Variants in GALNT17 observed in about 807,000 individuals in gnomAD.
GALNT17 encodes polypeptide N-acetylgalactosaminyltransferase 17, also known as UDP-GalNAc:polypeptide N-acetylgalactosaminyltransferase-like 3.
In GALNT17, 29 loss-of-function variants were observed where a neutral mutation model predicts 63.7. The observed-to-expected ratio is 0.46, with a 90% CI of 0.34 to 0.62. GALNT17 has a LOEUF of 0.62. Ranked by LOEUF, GALNT17 falls within the 20% of genes least tolerant of loss-of-function variation. GALNT17 has a pLI of 0.01. For missense variants in GALNT17, 603 were observed against 799.6 expected (o/e 0.75, Z 2.97); for synonymous variants, 305 against 318.3 (o/e 0.96, Z 0.45).
At chr7:71,184,228 A>G (rs1388770505) in intron 1 of GALNT17, among the ~76,000 whole-genome samples, 1 of 152,162 alleles carries the variant, frequency 6.6e-6, no homozygotes, top group African/African-American at 2.4e-5. Context: ...TCCAGTTTCC[A>G]GGACTGTGAG....
At chr7:71,509,360 C>T (rs188443994) in intron 5 of GALNT17, among the ~76,000 whole-genome samples, 25 of 152,294 alleles carry the variant, frequency 1.6e-4, no homozygotes, top group Admixed American at 1.5e-3. Context: ...CACCCTTCAG[C>T]TTAGGATGGG....
In GALNT17 at chr7:71,184,149, G is replaced by A. The variant is rs372179047; in HGVS notation, c.238+51109G>A. Among the ~76,000 whole-genome samples the A allele has an allele frequency of 9.9e-5, 15 of 152,246 alleles. No individual in the cohort carries two copies. In the East Asian group the frequency reaches 1.4e-3, roughly 14 times the overall value. ...ATTATGAAAGGCAATGGAAGAAGGCGGCCATCTACAAACCAAGAGAGACTG... is the reference window on the plus strand; with the variant it reads ...ATTATGAAAGGCAATGGAAGAAGGCAGCCATCTACAAACCAAGAGAGACTG... On this transcript the variant is annotated intron_variant, in intron 1 of 10. Transcript: ENST00000333538.
chr7:71,323,845 C>G (rs1304378627), intron 1 of GALNT17, among the ~76,000 whole-genome samples: 41 of 152,232 alleles, frequency 2.7e-4, no homozygotes, highest in Admixed American at 2.7e-3. Flanking sequence ...GTGCAAGACA[C>G]AAAGATGCCT....
rs1791817373 is a variant in GALNT17, at chr7:71,712,967, A to G, written c.*821A>G. On this transcript the variant is annotated 3_prime_UTR_variant, in exon 11 of 11. Coordinates refer to ENST00000333538, the MANE Select transcript of GALNT17 (RefSeq NM_022479.3). ...CTCCCAGAGGCTGCCACCGGGGAGAAGCAGCGGTCCTCCATCCAGAACCTA... is the reference window on the plus strand; with the variant it reads ...CTCCCAGAGGCTGCCACCGGGGAGAGGCAGCGGTCCTCCATCCAGAACCTA... The G allele has an allele frequency of 6.5e-6, 1 of 152,820 alleles. No homozygotes were observed. The highest frequency in any genetic ancestry group is 1.5e-5 in the Non-Finnish European group (1 of 68,206). The allele number at this position is 152,820 out of a possible 1,614,324, so 9.5% of individuals were successfully genotyped here.
At chr7:71,438,018 A>G (rs1444158817) in intron 5 of GALNT17, among the ~76,000 whole-genome samples, 1 of 152,094 alleles carries the variant, frequency 6.6e-6, no homozygotes, top group Non-Finnish European at 1.5e-5. Context: ...TGGCAAAGAG[A>G]CCTGTTTTCT....
intron 5 of GALNT17, among the ~76,000 whole-genome samples, chr7:71,500,941 C>G (rs1409983758): frequency 6.6e-6 from 1 of 152,082 alleles, no homozygotes; most frequent in Non-Finnish European, 1.5e-5. Context: ...TTCCTGTGCT[C>G]AATGCTCTTG....
At chr7:71,590,999 G>A (rs1789791468) in intron 6 of GALNT17, among the ~76,000 whole-genome samples, 1 of 152,152 alleles carries the variant, frequency 6.6e-6, no homozygotes. Flanking sequence ...GACCTCAGGT[G>A]ATCCACCCAC....
At chr7:71,263,085 A>G (rs926597945) in intron 1 of GALNT17, among the ~76,000 whole-genome samples, 1 of 152,150 alleles carries the variant, frequency 6.6e-6, no homozygotes, top group African/African-American at 2.4e-5. Flanking sequence ...CTGCAAACCA[A>G]GGAGAGAGGC....
intron 9 of GALNT17, chr7:71,685,829 G>C (rs631479): frequency 0.96 from 145,604 of 151,994 alleles, 69,995 homozygotes; most frequent in Non-Finnish European, 1. Flanking sequence ...CAGGACAGAC[G>C]CTGTTTAGGC....
At chr7:71,480,136 C>T (rs1291851786) in intron 5 of GALNT17, among the ~76,000 whole-genome samples, 1 of 148,016 alleles carries the variant, frequency 6.8e-6, no homozygotes, top group Non-Finnish European at 1.5e-5. Context: ...CTCTTGGAGA[C>T]CCCCTCTTTT....
chr7:71,274,956 A>C (rs1457489682), intron 1 of GALNT17, among the ~76,000 whole-genome samples: 1 of 152,180 alleles, frequency 6.6e-6, no homozygotes, highest in Non-Finnish European at 1.5e-5. Context: ...TGGGGGGTCG[A>C]AAGGGGAGCA....
intron 1 of GALNT17, among the ~76,000 whole-genome samples, chr7:71,194,718 C>T (rs1789014492): frequency 6.6e-6 from 1 of 152,178 alleles, no homozygotes; most frequent in East Asian, 1.9e-4. Flanking sequence ...CTTCTTTCTC[C>T]CTTCCAGCTC....
chr7:71,563,058 G>T (rs548781581), intron 5 of GALNT17, among the ~76,000 whole-genome samples: 1 of 152,286 alleles, frequency 6.6e-6, no homozygotes, highest in East Asian at 1.9e-4. Flanking sequence ...CATTCAGTTG[G>T]AACTGTTGTG....
At chr7:71,377,114 A>AAAAATATATATATAT in intron 2 of GALNT17, among the ~76,000 whole-genome samples, 13 of 57,452 alleles carry the variant, frequency 2.3e-4, no homozygotes, top group East Asian at 4.6e-4. Flanking sequence ...AAATAAAAAA[A>AAAAATATATATATAT]ATATATATAT....
chr7:71,367,940 C>T lies in GALNT17; in HGVS notation c.423-20295C>T, dbSNP rs952444350. 4.2e-5 allele frequency among the ~76,000 whole-genome samples: 6 copies of T among 142,998 alleles called. No individual in the cohort carries two copies. In the East Asian group the frequency reaches 1.5e-3, roughly 35 times the overall value. The allele number at this position is 142,998 out of a possible 152,430, so 93.8% of individuals were successfully genotyped here. On this transcript the variant is annotated intron_variant, in intron 2 of 10. Transcript: ENST00000333538. ...GCCACACAGAGAACTAGCAGGTCAC[C>T]AGCCAGAGCACTGGACCCTAGGAGA...
At chr7:71,268,715 T>C (rs1287770479) in intron 1 of GALNT17, among the ~76,000 whole-genome samples, 1 of 151,792 alleles carries the variant, frequency 6.6e-6, no homozygotes, top group Non-Finnish European at 1.5e-5. Flanking sequence ...GTTTGATGAG[T>C]GCATTCTTGG....
chr7:71,556,504 A>G (rs995970265), intron 5 of GALNT17, among the ~76,000 whole-genome samples: 2 of 152,116 alleles, frequency 1.3e-5, no homozygotes, highest in African/African-American at 4.8e-5. Context: ...TTAAATATGT[A>G]ATATGTCAGA....
At chr7:71,310,545 A>G (rs1262927720) in intron 1 of GALNT17, among the ~76,000 whole-genome samples, 1 of 152,190 alleles carries the variant, frequency 6.6e-6, no homozygotes, top group Non-Finnish European at 1.5e-5. Context: ...CCTAATATTT[A>G]CCTAAGGATT....
At chr7:71,532,142 G>A (rs1788730790) in intron 5 of GALNT17, among the ~76,000 whole-genome samples, 1 of 152,158 alleles carries the variant, frequency 6.6e-6, no homozygotes, top group African/African-American at 2.4e-5. Context: ...GAGAGATGTA[G>A]ACTTGAGCTG....
Sources: allele counts gnomAD v4.1 joint callset (sites outside exome capture counted in the v4.1 genomes callset), GRCh38; gene constraint gnomAD v4.1.1; transcripts MANE v1.5; gene names NCBI Gene and HGNC (gene_info 2026-07-23, HGNC 2026-07-21).